LGI2: variants seen among roughly 807,000 people sequenced by gnomAD.
LGI2 encodes the protein leucine-rich repeat LGI family member 2.
Under a neutral mutation model 52.0 loss-of-function variants are expected in LGI2, and 30 were observed. The ratio of observed to expected loss-of-function variants is 0.58; its 90% CI spans 0.43 to 0.78. The LOEUF (loss-of-function observed/expected upper bound fraction) is 0.78. Ranked by LOEUF, LGI2 falls within the 30% of genes least tolerant of loss-of-function variation. The probability of loss-of-function intolerance (pLI) is 0.00; values close to 1 mark genes in which losing one functional copy is unlikely to be tolerated. For missense variants in LGI2, 573 were observed against 692.5 expected (o/e 0.83, Z 1.94); for synonymous variants, 270 against 271.8 (o/e 0.99, Z 0.06).
intron 7 of LGI2, among the ~76,000 whole-genome samples, chr4:25,007,597 G>C (rs905315900): frequency 1.3e-5 from 2 of 150,602 alleles, no homozygotes; most frequent in African/African-American, 2.4e-5. Context: ...GTGTGTGTGT[G>C]TGTGTGTGTG....
chr4:25,030,033 G>C (rs1027331664), intron 1 of LGI2, among the ~76,000 whole-genome samples: 1 of 152,128 alleles, frequency 6.6e-6, no homozygotes, highest in African/African-American at 2.4e-5. Flanking sequence ...TTTGCACTCA[G>C]TCAGGTCGTG....
At chr4:24,994,451 C>T (rs1272446504), downstream of LGI2, among the ~76,000 whole-genome samples, 1 of 152,176 alleles carries the variant, frequency 6.6e-6, no homozygotes, top group East Asian at 1.9e-4. Flanking sequence ...GAGCACAGTA[C>T]TCCTGGCACA....
rs78560148 is a variant in LGI2, at chr4:25,010,996, C to A, written c.820+1339G>T. On this transcript the variant is annotated intron_variant, in intron 7 of 7. Transcript: ENST00000382114. Reference sequence around the variant, plus strand: ...ACTTGGGAGGCTGGGGCAGGAGGATCCCTTGAGCCCAGGAGTTCCAGGTTG... The same window carrying A: ...ACTTGGGAGGCTGGGGCAGGAGGATACCTTGAGCCCAGGAGTTCCAGGTTG... Among the ~76,000 whole-genome samples, 19 of 152,048 alleles carry A rather than the reference C, an allele frequency of 1.2e-4. 1 individual carries two copies. In the South Asian group the frequency reaches 4.0e-3, roughly 32 times the overall value.
intron 7 of LGI2, among the ~76,000 whole-genome samples, chr4:25,007,889 G>A (rs1398996382): frequency 6.6e-6 from 1 of 152,096 alleles, no homozygotes; most frequent in African/African-American, 2.4e-5. Context: ...GTCAACTTGG[G>A]GACCACCCCA....
intron 7 of LGI2, 72 bp downstream of exon 7, chr4:25,012,263 A>G: frequency 6.5e-7 from 1 of 1,539,114 alleles, no homozygotes; most frequent in Non-Finnish European, 8.9e-7. Context: ...AATACAGAGG[A>G]CATTCCTCCT....
At chr4:24,995,938 G>C (rs528861483), downstream of LGI2, among the ~76,000 whole-genome samples, 3 of 152,332 alleles carry the variant, frequency 2.0e-5, no homozygotes, top group South Asian at 6.2e-4. Flanking sequence ...ATATGGAAGA[G>C]AGCTGGCCAG....
chr4:25,014,080 A>G (rs547360295), intron 6 of LGI2, among the ~76,000 whole-genome samples: 5 of 152,308 alleles, frequency 3.3e-5, no homozygotes, highest in African/African-American at 1.2e-4. Context: ...AGATGGCTAT[A>G]AACTCCTCTC....
intron 1 of LGI2, among the ~76,000 whole-genome samples, chr4:25,029,911 T>C (rs946533335): frequency 2.6e-5 from 4 of 152,166 alleles, no homozygotes; most frequent in African/African-American, 9.7e-5. Flanking sequence ...AGAGCCTGCA[T>C]GCCTTGACCT....
chr4:25,004,344 C>T lies in LGI2; in HGVS notation c.821-76G>A, dbSNP rs1725338930. ...GCATCTCCGCTTGTACTCTTATACA[C>T]TGCTGGTGGGAGTGTGAAATGGCAC... On this transcript the variant is annotated intron_variant, in intron 7 of 7. Coordinates refer to ENST00000382114, the MANE Select transcript of LGI2 (RefSeq NM_018176.4). The surrounding 1 kb of genome is among the most constrained non-coding windows in gnomAD (Gnocchi z 4.6). 3.9e-6 allele frequency: 5 copies of T among 1,291,468 alleles called. No individual in the cohort carries two copies. Among genetic ancestry groups the T allele is most frequent in the South Asian group, 1.4e-5 (1 of 71,124 alleles). 80.0% of individuals were successfully genotyped at this position (1,291,468 alleles called of 1,614,324 possible). A position where few individuals can be genotyped will look rare whatever the true frequency, so the allele number is the denominator to read the frequency against.
Position 25,012,469 on chromosome 4 carries a change from T to G in LGI2, c.686A>C (p.Gln229Pro). The G allele has an allele frequency of 6.2e-7, 1 of 1,614,138 alleles. No individual in the cohort carries two copies. Among genetic ancestry groups the G allele is most frequent in the Non-Finnish European group, 8.5e-7 (1 of 1,180,022 alleles). Residue 229 changes from glutamine to proline, a missense_variant, in exon 7 of 8, where the codon CAG becomes CCG. Coordinates refer to ENST00000382114, the MANE Select transcript of LGI2 (RefSeq NM_018176.4). Reference protein sequence around the residue: ...DFVVHQTLPYQSVSVDTFNSK... With the variant: ...DFVVHQTLPYPSVSVDTFNSK... ...GTTGAACGTATCCACTGAAACCGAC[T>G]GGTAGGGTAAAGTCTGATGAACAAC...
chr4:25,012,280 G>C lies in LGI2; in HGVS notation c.820+55C>G, dbSNP rs150053828. 683 of 1,596,856 alleles carry C rather than the reference G, an allele frequency of 4.3e-4. 5 individuals are homozygous for C. In the East Asian group the frequency reaches 0.015, roughly 35 times the overall value. On this transcript the variant is annotated intron_variant, in intron 7 of 7. Transcript: ENST00000382114. The stretch of plus-strand genomic sequence containing the variant: ...TACAGAGGACATTCCTCCTCCCGCG[G>C]GCTTGCCGCAATGCTGAAATTAGTT...
At chr4:25,015,717 C>A (rs1388424481) in intron 6 of LGI2, among the ~76,000 whole-genome samples, 1 of 152,158 alleles carries the variant, frequency 6.6e-6, no homozygotes, top group African/African-American at 2.4e-5. Flanking sequence ...ACCCCACGCC[C>A]CTACTCCCCA....
At chr4:25,019,032 AG>A in intron 5 of LGI2, 134 bp downstream of exon 5, 1 of 686,518 alleles carries the variant, frequency 1.5e-6, no homozygotes, top group Non-Finnish European at 2.6e-6. Context: ...GCTATTTCCC[AG>A]GATGCACTAC....
rs895951935 is a variant in LGI2, at chr4:25,003,234, T to A, written c.*217A>T. ...TTCTCAGAAATTACAGGCTTTAAGA[T>A]TTTTTTTTAAATGGTAGAATGGGCA... On this transcript the variant is annotated 3_prime_UTR_variant, in exon 8 of 8. Coordinates refer to ENST00000382114, the MANE Select transcript of LGI2 (RefSeq NM_018176.4). The A allele has an allele frequency of 2.4e-6, 1 of 415,080 alleles. No individual in the cohort carries two copies. Among genetic ancestry groups the A allele is most frequent in the Non-Finnish European group, 4.2e-6 (1 of 235,832 alleles). The allele number at this position is 415,080 out of a possible 1,614,324, so 25.7% of individuals were successfully genotyped here.
rs1725164817 is a variant in LGI2 at position 24,999,201 on chromosome 4, C to A, written c.*4250G>T. 6.6e-6 allele frequency: 1 copy of A among 152,180 alleles called. No homozygotes were observed. Among genetic ancestry groups the A allele is most frequent in the African/African-American group, 2.4e-5 (1 of 41,414 alleles). The allele number at this position is 152,180 out of a possible 1,614,324, so 9.4% of individuals were successfully genotyped here. A position where few individuals can be genotyped will look rare whatever the true frequency, so the allele number is the denominator to read the frequency against. ...TGGAATACAGTAAGGATAATAATAA[C>A]TTGGTTTCGATCTCAGTAGCTTTAC... On this transcript the variant is annotated 3_prime_UTR_variant, in exon 8 of 8. Transcript: ENST00000382114.
rs16876577 is a variant in LGI2 at position 25,006,417 on chromosome 4, C to T, written c.821-2149G>A. Among the ~76,000 whole-genome samples, 1,380 of 152,184 alleles carry T rather than the reference C, an allele frequency of 9.1e-3. 21 individuals are homozygous for T. The highest frequency in any genetic ancestry group is 0.032 in the African/African-American group (1,316 of 41,508). On this transcript the variant is annotated intron_variant, in intron 7 of 7. Transcript: ENST00000382114. Reference sequence around the variant, plus strand: ...GACCAAAGTGAATTTGGCCAGAATCCCAAATTCTAAGGATGATTCCATTTC... The same window carrying T: ...GACCAAAGTGAATTTGGCCAGAATCTCAAATTCTAAGGATGATTCCATTTC...
chr4:25,024,216 C>G (rs1185235904), intron 4 of LGI2, among the ~76,000 whole-genome samples: 1 of 152,162 alleles, frequency 6.6e-6, no homozygotes, highest in African/African-American at 2.4e-5. Flanking sequence ...ATAAGACCCA[C>G]AATGATTTCC....
intron 2 of LGI2, 87 bp from the exon 3 acceptor site, chr4:25,027,026 A>C (rs1726173883): frequency 1.9e-6 from 2 of 1,045,704 alleles, no homozygotes; most frequent in Admixed American, 3.5e-5. Context: ...CTACGTTTTG[A>C]TCTGTGGGCA....
chr4:24,997,882 C>T (rs1251118764), downstream of LGI2, among the ~76,000 whole-genome samples: 1 of 146,910 alleles, frequency 6.8e-6, no homozygotes, highest in African/African-American at 2.5e-5. Context: ...TGATGCAGAA[C>T]ATTTTTTTTT....
Sources: allele counts gnomAD v4.1 joint callset (sites outside exome capture counted in the v4.1 genomes callset), GRCh38; gene constraint gnomAD v4.1.1; non-coding constraint Gnocchi (gnomAD v3.1); transcripts MANE v1.5; gene names NCBI Gene and HGNC (gene_info 2026-07-23, HGNC 2026-07-21).